The following AGBL1 variants were observed in gnomAD, a reference collection of about 807,000 sequenced individuals.
AGBL1 encodes the protein AGBL carboxypeptidase 1.
A neutral mutation model predicts 118.9 loss-of-function variants in AGBL1; 130 were observed. That is an observed-to-expected ratio of 1.09 (90% CI 0.95 to 1.26). The LOEUF (loss-of-function observed/expected upper bound fraction) is 1.26, where lower values mean the gene tolerates loss of function less well. Ranked by LOEUF, AGBL1 falls within the 50% of genes most tolerant of loss-of-function variation. The pLI is 0.00. For missense variants in AGBL1, 1,584 were observed against 1,298.1 expected (o/e 1.22, Z -3.38); for synonymous variants, 555 against 478.9 (o/e 1.16, Z -2.08).
chr15:86,568,395 A>G (rs1228844198), intron 21 of AGBL1, among the ~76,000 whole-genome samples: 3 of 152,170 alleles, frequency 2.0e-5, no homozygotes, highest in Admixed American at 2.0e-4. Context: ...TATTGATTCC[A>G]GGATCTCTAG....
At chr15:86,745,473 G>T (rs2077742470) in intron 22 of AGBL1, among the ~76,000 whole-genome samples, 1 of 151,964 alleles carries the variant, frequency 6.6e-6, no homozygotes, top group African/African-American at 2.4e-5. Context: ...TAAAAAGGAG[G>T]TGCAGAGAAC....
At chr15:86,374,414 C>T (rs773128669) in intron 17 of AGBL1, among the ~76,000 whole-genome samples, 10 of 152,112 alleles carry the variant, frequency 6.6e-5, no homozygotes, top group Non-Finnish European at 1.0e-4. Context: ...ATAGGAAGAC[C>T]ATATGAAGGA....
At chr15:86,435,386 G>T (rs1481550842) in intron 18 of AGBL1, among the ~76,000 whole-genome samples, 1 of 152,162 alleles carries the variant, frequency 6.6e-6, no homozygotes, top group Admixed American at 6.5e-5. Context: ...ATTGTTACTA[G>T]GTGAGAACCA....
At chr15:86,430,662 T>C (rs1567254576) in intron 18 of AGBL1, among the ~76,000 whole-genome samples, 1 of 152,070 alleles carries the variant, frequency 6.6e-6, no homozygotes, top group Non-Finnish European at 1.5e-5. Context: ...CTTTAATAGA[T>C]GCATCAGTAA....
At chr15:86,948,279 C>G (rs1033465331) in intron 23 of AGBL1, among the ~76,000 whole-genome samples, 2 of 151,782 alleles carry the variant, frequency 1.3e-5, no homozygotes, top group African/African-American at 2.4e-5. Flanking sequence ...AAAGCAAACA[C>G]AAAACAATAT....
chr15:86,954,948 G>A (rs931725201), intron 23 of AGBL1, among the ~76,000 whole-genome samples: 3 of 152,180 alleles, frequency 2.0e-5, no homozygotes, highest in East Asian at 1.9e-4. Context: ...TAGAGTTCAC[G>A]TATCTTTACT....
chr15:86,253,246 CT>C (rs1336726601), intron 7 of AGBL1, among the ~76,000 whole-genome samples: 2 of 151,880 alleles, frequency 1.3e-5, no homozygotes, highest in Non-Finnish European at 2.9e-5. Context: ...CTTCCATCAA[CT>C]TTTTTTTGTT....
intron 9 of AGBL1, among the ~76,000 whole-genome samples, chr15:86,262,322 C>G (rs1188884956): frequency 6.6e-6 from 1 of 151,942 alleles, no homozygotes; most frequent in African/African-American, 2.4e-5. Context: ...TTTGTCTGTT[C>G]CATTGTGACC....
intron 5 of AGBL1, among the ~76,000 whole-genome samples, chr15:86,185,060 C>G (rs527879535): frequency 2.3e-4 from 35 of 152,038 alleles, no homozygotes; most frequent in Non-Finnish European, 4.6e-4. Flanking sequence ...AACAAATTTA[C>G]AAGAAAAAAA....
intron 22 of AGBL1, among the ~76,000 whole-genome samples, chr15:86,797,392 A>T (rs1193233835): frequency 2.0e-5 from 3 of 152,202 alleles, no homozygotes; most frequent in Non-Finnish European, 4.4e-5. Context: ...AACCACGCTC[A>T]TTTCAAAAAA....
At chr15:86,994,182 C>G (rs917730650) in intron 24 of AGBL1, among the ~76,000 whole-genome samples, 1 of 152,024 alleles carries the variant, frequency 6.6e-6, no homozygotes, top group Non-Finnish European at 1.5e-5. Context: ...CTTTCAAATT[C>G]AAAGCAGTAG....
chr15:86,643,141 A>C (rs982868035), intron 21 of AGBL1, among the ~76,000 whole-genome samples: 1 of 152,190 alleles, frequency 6.6e-6, no homozygotes. Flanking sequence ...CGTTGTTCAT[A>C]AAGAGAAAGA....
chr15:86,167,515 G>C (rs149413056), intron 5 of AGBL1, among the ~76,000 whole-genome samples: 1,974 of 152,260 alleles, frequency 0.013, 26 homozygotes, highest in East Asian at 0.072. Context: ...CAAAGTGCTG[G>C]GATTATAGGC....
At chr15:86,437,251 C>T (rs908484959) in intron 18 of AGBL1, among the ~76,000 whole-genome samples, 2 of 151,974 alleles carry the variant, frequency 1.3e-5, no homozygotes, top group Non-Finnish European at 2.9e-5. Flanking sequence ...GTGTTGTGAC[C>T]AAAACTCCCC....
At chr15:86,537,079 G>T (rs2083437011) in intron 19 of AGBL1, among the ~76,000 whole-genome samples, 1 of 152,212 alleles carries the variant, frequency 6.6e-6, no homozygotes, top group African/African-American at 2.4e-5. Context: ...GCAATCAACA[G>T]TTCTCAGTTA....
chr15:86,554,368 C>T lies in AGBL1; in HGVS notation c.2825C>T (p.Pro942Leu), dbSNP rs1230266525. The T allele has an allele frequency of 2.5e-6, 4 of 1,576,578 alleles. No homozygotes were observed. Among genetic ancestry groups the T allele is most frequent in the Non-Finnish European group, 3.4e-6 (4 of 1,161,020 alleles). ...ILEEVNYRTL[P>L]KILDKLAPAF... ...TTTTTGTTTTTACTGTAGACTCTTC[C>T]CAAAATCCTTGATAAGCTAGCACCA... The change falls in exon 21 of 23, where the codon CCC becomes CTC. Residue 942 changes from proline to leucine, a missense_variant. Transcript: ENST00000614907.
rs993140376 is a variant in AGBL1 at position 86,968,692 on chromosome 15, C to G, written c.3222-19295C>G. On this transcript the variant is annotated intron_variant, in intron 23 of 24. Transcript: ENST00000441037. Reference sequence around the variant, plus strand: ...CACACCATGATAATGGATTCAATATCTCTGTGCCTTAGTCTCTTCAGGCTG... The same window carrying G: ...CACACCATGATAATGGATTCAATATGTCTGTGCCTTAGTCTCTTCAGGCTG... 5.9e-4 allele frequency among the ~76,000 whole-genome samples: 90 copies of G among 152,040 alleles called. 1 individual carries two copies. Among genetic ancestry groups the G allele is most frequent in the Admixed American group, 3.3e-4 (5 of 15,228 alleles).
intron 17 of AGBL1, among the ~76,000 whole-genome samples, chr15:86,357,014 T>A (rs768445370): frequency 6.6e-6 from 1 of 152,218 alleles, no homozygotes; most frequent in Non-Finnish European, 1.5e-5. Context: ...GTTGTTTTTG[T>A]TGGGCAAACA....
chr15:86,466,055 T>C (rs2082402138), intron 18 of AGBL1, among the ~76,000 whole-genome samples: 1 of 152,212 alleles, frequency 6.6e-6, no homozygotes, highest in African/African-American at 2.4e-5. Context: ...CTTTCTTTTG[T>C]ATTCTTTCTC....
Sources: gnomAD v4.1 joint callset for allele counts (sites outside exome capture counted in the v4.1 genomes callset) on GRCh38, gnomAD v4.1.1 for gene constraint, MANE v1.5 for transcripts, NCBI Gene and HGNC (gene_info 2026-07-23, HGNC 2026-07-21) for gene names.